The following CYB5RL variants were observed in gnomAD, a reference collection of about 807,000 sequenced individuals.
CYB5RL encodes the protein cytochrome b5 reductase like.
In CYB5RL, 38 loss-of-function variants were observed where a neutral mutation model predicts 37.5. The observed-to-expected ratio is 1.01, with a 90% confidence interval of 0.78 to 1.33. The LOEUF (loss-of-function observed/expected upper bound fraction) is 1.33. Ranked by LOEUF, CYB5RL falls within the 40% of genes most tolerant of loss-of-function variation. The pLI is 0.00. For synonymous variants in CYB5RL, 141 were observed against 151.9 expected, an observed-to-expected ratio of 0.93 and a Z score of 0.53; for missense variants, 388 against 394.4, an observed-to-expected ratio of 0.98 and a Z score of 0.14.
intron 6 of CYB5RL, among the ~76,000 whole-genome samples, 161 bp from the exon 7 acceptor site, chr1:54,179,513 T>C (rs1434503853): frequency 6.6e-6 from 1 of 152,108 alleles, no homozygotes; most frequent in Non-Finnish European, 1.5e-5. Context: ...CAGAAAGCCG[T>C]CCTTGTTTGT....
chr1:54,185,430 T>C (rs1660265257), intron 5 of CYB5RL: 1 of 152,154 alleles, frequency 6.6e-6, no homozygotes, highest in South Asian at 2.1e-4. Flanking sequence ...CAAGTGAACA[T>C]GGTAGGGTGA....
rs1659892160 is a variant in CYB5RL, at chr1:54,171,499, A to C, written c.*3120T>G. 1 of 448,570 alleles carries C rather than the reference A, an allele frequency of 2.2e-6. No individual in the cohort carries two copies. Among genetic ancestry groups the C allele is most frequent in the African/African-American group, 2.0e-5 (1 of 49,872 alleles). 27.8% of individuals were successfully genotyped at this position (448,570 alleles called of 1,614,324 possible). A position where few individuals can be genotyped will look rare whatever the true frequency, so the allele number is the denominator to read the frequency against. On this transcript the variant is annotated 3_prime_UTR_variant, in exon 8 of 8. Transcript: ENST00000534324. ...GGGGAACACAGAAGTGACGTTGGTA[A>C]ACATGGTGAGGGCTGAACTAAAGCC...
intron 1 of CYB5RL, among the ~76,000 whole-genome samples, chr1:54,199,759 A>G (rs1644058625): frequency 6.6e-6 from 1 of 152,184 alleles, no homozygotes; most frequent in Admixed American, 6.5e-5. Context: ...GGACACTCTC[A>G]CGCTCAGGAG....
Position 54,195,524 on chromosome 1 carries a change from A to G in CYB5RL, c.93T>C (p.Ser31=), listed in dbSNP as rs764186452. ...GGTCAAACACACAGGGTGAGCAGCCACTGCCGCAGCACTGGGAAGGCAAGG... is the reference window on the plus strand; with the variant it reads ...GGTCAAACACACAGGGTGAGCAGCCGCTGCCGCAGCACTGGGAAGGCAAGG... The part of the protein sequence containing the change: ...TEPLPSQCCG[S]GCSPCVFDLY... The change falls in exon 3 of 8, where the codon AGT becomes AGC. Residue 31 remains serine (S), a synonymous_variant. Transcript: ENST00000534324. 1 of 1,613,710 alleles carries G rather than the reference A, an allele frequency of 6.2e-7. No homozygotes were observed. Among genetic ancestry groups the G allele is most frequent in the Non-Finnish European group, 8.5e-7 (1 of 1,179,740 alleles).
intron 6 of CYB5RL, among the ~76,000 whole-genome samples, chr1:54,181,380 G>A (rs1660156957): frequency 6.6e-6 from 1 of 152,194 alleles, no homozygotes; most frequent in Admixed American, 6.5e-5. Context: ...CCCATCTCTA[G>A]GTCCCCAGAG....
chr1:54,181,679 C>T (rs554544222), intron 6 of CYB5RL, among the ~76,000 whole-genome samples: 9 of 152,332 alleles, frequency 5.9e-5, no homozygotes, highest in Admixed American at 2.0e-4. Flanking sequence ...GAGCTGGACA[C>T]GGTGGCTTAT....
chr1:54,194,506 G>C (rs1269181564), intron 3 of CYB5RL, among the ~76,000 whole-genome samples: 1 of 152,112 alleles, frequency 6.6e-6, no homozygotes, highest in African/African-American at 2.4e-5. Flanking sequence ...AATGGGGAAT[G>C]GTTGGTCAAA....
chr1:54,181,550 A>G (rs1014795492), intron 6 of CYB5RL, among the ~76,000 whole-genome samples: 7 of 152,222 alleles, frequency 4.6e-5, no homozygotes, highest in Non-Finnish European at 7.3e-5. Context: ...CTTCCCAGAC[A>G]TCCTCGTGTG....
At chr1:54,186,999 T>G (rs569442903) in intron 5 of CYB5RL, among the ~76,000 whole-genome samples, 1 of 152,294 alleles carries the variant, frequency 6.6e-6, no homozygotes, top group South Asian at 2.1e-4. Context: ...GAGCTGTGTA[T>G]TAGGTTGACC....
In CYB5RL at chr1:54,170,647, G is replaced by A. The variant is rs527821000; in HGVS notation, c.*3972C>T. 1.4e-4 allele frequency: 25 copies of A among 173,922 alleles called. No homozygotes were observed. The South Asian group carries it at 3.4e-3, about 24-fold the overall frequency. 10.8% of individuals were successfully genotyped at this position (173,922 alleles called of 1,614,324 possible). On this transcript the variant is annotated 3_prime_UTR_variant, in exon 8 of 8. Transcript: ENST00000534324. ...AGGATGGTCTCAATCTCCTGACCTC[G>A]TGATCCACCTGCCTCGGCCTCCCAA...
intron 5 of CYB5RL, chr1:54,185,687 T>C (rs1164325211): frequency 1.3e-5 from 2 of 152,252 alleles, no homozygotes; most frequent in Non-Finnish European, 2.9e-5. Context: ...GCTGTCTCCA[T>C]GCACGCTTTG....
chr1:54,188,100 C>T (rs1490723768), intron 4 of CYB5RL, among the ~76,000 whole-genome samples: 1 of 152,156 alleles, frequency 6.6e-6, no homozygotes, highest in Non-Finnish European at 1.5e-5. Context: ...ACTGCAAATC[C>T]TTATGAGGTA....
intron 5 of CYB5RL, among the ~76,000 whole-genome samples, chr1:54,186,884 T>C (rs1452821756): frequency 1.3e-5 from 2 of 151,920 alleles, no homozygotes; most frequent in Non-Finnish European, 2.9e-5. Context: ...TCCGTTTACT[T>C]ATCAATGCAA....
chr1:54,192,065 C>T (rs1286927055), intron 3 of CYB5RL, among the ~76,000 whole-genome samples: 3 of 152,068 alleles, frequency 2.0e-5, no homozygotes, highest in Non-Finnish European at 4.4e-5. Context: ...TATAAGTTAC[C>T]ATGGAAATGT....
chr1:54,195,171 A>G (rs967222234), intron 3 of CYB5RL, among the ~76,000 whole-genome samples: 1 of 152,254 alleles, frequency 6.6e-6, no homozygotes, highest in African/African-American at 2.4e-5. Context: ...GCTCTGTGCT[A>G]CACATCACAA....
intron 6 of CYB5RL, among the ~76,000 whole-genome samples, chr1:54,182,946 TC>T (rs1359114209): frequency 6.6e-6 from 1 of 152,244 alleles, no homozygotes; most frequent in African/African-American, 2.4e-5. Flanking sequence ...GTTTTCCTAA[TC>T]ATAAAGTAAT....
In CYB5RL at chr1:54,172,656, T is replaced by C. The variant is rs1195181399; in HGVS notation, c.*1963A>G. 6.6e-6 allele frequency: 1 copy of C among 152,330 alleles called. No individual in the cohort carries two copies. The highest frequency in any genetic ancestry group is 1.9e-4 in the East Asian group (1 of 5,206). 9.4% of individuals were successfully genotyped at this position (152,330 alleles called of 1,614,324 possible). A position where few individuals can be genotyped will look rare whatever the true frequency, so the allele number is the denominator to read the frequency against. ...TTACAGGTTGAATTGCTGCCTTCCT[T>C]GCTAGGCTGTAAGTTCCCCGATGGA... On this transcript the variant is annotated 3_prime_UTR_variant, in exon 8 of 8. Coordinates refer to ENST00000534324, the MANE Select transcript of CYB5RL (RefSeq NM_001031672.4).
chr1:54,181,118 C>T (rs552676820), intron 6 of CYB5RL, among the ~76,000 whole-genome samples: 22 of 152,352 alleles, frequency 1.4e-4, no homozygotes, highest in African/African-American at 5.3e-4. Context: ...GCAGCTGTTG[C>T]TGTGTCTGTG....
intron 6 of CYB5RL, 196 bp downstream of exon 6, chr1:54,183,965 A>G: frequency 3.0e-6 from 1 of 329,614 alleles, no homozygotes; most frequent in South Asian, 7.9e-5. Context: ...ACAAGAGCGA[A>G]ACTCCGTCTC....
Sources: allele counts gnomAD v4.1 joint callset (sites outside exome capture counted in the v4.1 genomes callset), GRCh38; gene constraint gnomAD v4.1.1; transcripts MANE v1.5; gene names NCBI Gene and HGNC (gene_info 2026-07-23, HGNC 2026-07-21).